TAFA2: variants seen among roughly 807,000 people sequenced by gnomAD.
TAFA2 encodes TAFA chemokine like family member 2, also known as chemokine-like protein TAFA-2.
In TAFA2, 7 loss-of-function variants were observed where a neutral mutation model predicts 18.8. The observed-to-expected ratio is 0.37, with a 90% CI of 0.21 to 0.70. The LOEUF is 0.70. Ranked by LOEUF, TAFA2 falls within the 30% of genes least tolerant of loss-of-function variation. TAFA2 has a pLI of 0.53. For missense variants in TAFA2, 122 were observed against 158.1 expected, an observed-to-expected ratio of 0.77 and a Z score of 1.23; for synonymous variants, 60 against 54.2, an observed-to-expected ratio of 1.11 and a Z score of -0.47.
chr12:62,211,575 G>A (rs1242035021), intron 1 of TAFA2, among the ~76,000 whole-genome samples: 64 of 52,874 alleles, frequency 1.2e-3, no homozygotes, highest in Middle Eastern at 8.9e-3. Context: ...GCGAGGCTCC[G>A]TCTCAAAAAA....
chr12:62,021,270 G>T (rs114516397), intron 1 of TAFA2, among the ~76,000 whole-genome samples: 1 of 152,072 alleles, frequency 6.6e-6, no homozygotes, highest in African/African-American at 2.4e-5. Flanking sequence ...ATAAGGAAAG[G>T]CTTCTTTTTT....
At chr12:62,162,184 C>T (rs1485307091) in intron 1 of TAFA2, among the ~76,000 whole-genome samples, 1 of 152,230 alleles carries the variant, frequency 6.6e-6, no homozygotes. Context: ...AGAGCCCTAT[C>T]TCTCAGTTTC....
At chr12:62,127,137 G>A (rs1870496249) in intron 1 of TAFA2, among the ~76,000 whole-genome samples, 1 of 152,062 alleles carries the variant, frequency 6.6e-6, no homozygotes, top group South Asian at 2.1e-4. Context: ...ATTACTACAT[G>A]TGGTCTCAAG....
chr12:62,219,141 ATATCTCTGCAAATTG>A (rs1325112729), intron 1 of TAFA2, among the ~76,000 whole-genome samples: 1 of 152,164 alleles, frequency 6.6e-6, no homozygotes, highest in African/African-American at 2.4e-5. Context: ...CAGTAAGATT[ATATCTCTGCAAATTG>A]ATGAATAAAA....
intron 4 of TAFA2, among the ~76,000 whole-genome samples, chr12:61,750,355 G>C (rs1161450559): frequency 6.6e-6 from 1 of 152,002 alleles, no homozygotes; most frequent in African/African-American, 2.4e-5. Context: ...AATGGGGTTT[G>C]GGAAACAACT....
rs779045511 is a variant in TAFA2, at chr12:61,903,802, A to G, written c.-1-36376T>C. On this transcript the variant is annotated intron_variant, in intron 1 of 4. Coordinates refer to ENST00000416284, the MANE Select transcript of TAFA2 (RefSeq NM_178539.5). Reference sequence around the variant, plus strand: ...GAGTCAAAAATGCAATTGCACTCACAAAGTCAAAAAGTTCACTTCTATTTT... The same window carrying G: ...GAGTCAAAAATGCAATTGCACTCACGAAGTCAAAAAGTTCACTTCTATTTT... Among the ~76,000 whole-genome samples, 5 of 152,332 alleles carry G rather than the reference A, an allele frequency of 3.3e-5. No individual in the cohort carries two copies. The East Asian group carries it at 9.6e-4, about 29-fold the overall frequency.
At chr12:62,238,628 T>C (rs1259425166) in intron 1 of TAFA2, among the ~76,000 whole-genome samples, 1 of 152,230 alleles carries the variant, frequency 6.6e-6, no homozygotes, top group Non-Finnish European at 1.5e-5. Flanking sequence ...GTAATTTTAA[T>C]TGAAACCTTC....
At chr12:62,124,843 G>A (rs1452650730) in intron 1 of TAFA2, among the ~76,000 whole-genome samples, 2 of 152,078 alleles carry the variant, frequency 1.3e-5, no homozygotes. Flanking sequence ...TACTGGTGTA[G>A]CCAGCCCATA....
At chr12:62,151,327 A>G (rs1169556009) in intron 1 of TAFA2, among the ~76,000 whole-genome samples, 1 of 152,194 alleles carries the variant, frequency 6.6e-6, no homozygotes, top group Non-Finnish European at 1.5e-5. Context: ...CCTGCTGTCC[A>G]TGAAGGCATT....
chr12:62,200,360 T>A (rs921664868), intron 1 of TAFA2, among the ~76,000 whole-genome samples: 6 of 152,206 alleles, frequency 3.9e-5, no homozygotes, highest in African/African-American at 1.4e-4. Flanking sequence ...ATTGCCTAGA[T>A]TTTCTTCTAG....
At chr12:62,002,256 A>T (rs1252875153) in intron 1 of TAFA2, among the ~76,000 whole-genome samples, 1 of 152,186 alleles carries the variant, frequency 6.6e-6, no homozygotes, top group Admixed American at 6.5e-5. Context: ...TAAAAAGGGA[A>T]AATTTCTGTG....
intron 2 of TAFA2, among the ~76,000 whole-genome samples, chr12:61,808,262 C>T (rs1007538487): frequency 2.0e-5 from 3 of 151,542 alleles, no homozygotes; most frequent in South Asian, 2.1e-4. Flanking sequence ...TGCACAAGCT[C>T]TCTTCTCTTG....
At chr12:62,021,669 A>G (rs761019707) in intron 1 of TAFA2, 7 of 1,364,736 alleles carry the variant, frequency 5.1e-6, no homozygotes, top group Non-Finnish European at 7.3e-6. Context: ...GGGTTCCACG[A>G]TGCTCACGTG....
At chr12:61,714,904 G>A (rs902363881) in intron 4 of TAFA2, among the ~76,000 whole-genome samples, 10 of 152,212 alleles carry the variant, frequency 6.6e-5, no homozygotes, top group Admixed American at 5.2e-4. Context: ...ACGACAAATA[G>A]CTCAGGCTTT....
intron 1 of TAFA2, among the ~76,000 whole-genome samples, chr12:61,917,129 G>A (rs1381339187): frequency 2.0e-5 from 3 of 152,308 alleles, no homozygotes; most frequent in Non-Finnish European, 2.9e-5. Flanking sequence ...GATCAAGAGG[G>A]ATAACTGTCA....
chr12:61,832,232 C>T (rs1416120041), intron 2 of TAFA2, among the ~76,000 whole-genome samples: 1 of 152,046 alleles, frequency 6.6e-6, no homozygotes, highest in South Asian at 2.1e-4. Context: ...TAGACTAAAT[C>T]AGGAACGGCC....
At chr12:62,052,546 A>G (rs1882084628) in intron 1 of TAFA2, among the ~76,000 whole-genome samples, 1 of 152,080 alleles carries the variant, frequency 6.6e-6, no homozygotes, top group African/African-American at 2.4e-5. Flanking sequence ...ACACTTTTAT[A>G]TATTAATATT....
rs150533114 is a variant in TAFA2 at position 62,170,774 on chromosome 12, C to T, written c.-2+20485G>A. ...TTCTCATCCCTCAAATCCCTTACCT[C>T]CTTCCCACCCTCCATCCTTTCTAGC... On this transcript the variant is annotated intron_variant, in intron 1 of 4. Transcript: ENST00000416284. Among the ~76,000 whole-genome samples, 54 of 152,282 alleles carry T rather than the reference C, an allele frequency of 3.5e-4. No homozygotes were observed. In the East Asian group the frequency reaches 0.01, roughly 28 times the overall value.
intron 1 of TAFA2, among the ~76,000 whole-genome samples, chr12:61,884,829 A>C (rs1212056392): frequency 6.6e-6 from 1 of 152,180 alleles, no homozygotes; most frequent in African/African-American, 2.4e-5. Context: ...AAAAAGAAAA[A>C]AGAAGCTAAA....
Sources: gnomAD v4.1 joint callset for allele counts (sites outside exome capture counted in the v4.1 genomes callset) on GRCh38, gnomAD v4.1.1 for gene constraint, MANE v1.5 for transcripts, NCBI Gene and HGNC (gene_info 2026-07-23, HGNC 2026-07-21) for gene names.